Variants in RBFOX3 observed in about 807,000 individuals in gnomAD.
RBFOX3 encodes the protein RNA binding fox-1 homolog 3.
A neutral mutation model predicts 48.7 loss-of-function variants in RBFOX3; 17 were observed. The ratio of observed to expected loss-of-function variants is 0.35; its 90% CI spans 0.24 to 0.52. The LOEUF (loss-of-function observed/expected upper bound fraction) is 0.52. RBFOX3 is among the 20% of genes least tolerant of loss of function. The probability of loss-of-function intolerance (pLI) is 0.94; values close to 1 mark genes in which losing one functional copy is unlikely to be tolerated. For synonymous variants in RBFOX3, 212 were observed against 209.5 expected (o/e 1.01, Z -0.10); for missense variants, 382 against 497.5 (o/e 0.77, Z 2.21).
At chr17:79,633,459 C>T in the RBFOX3 span, among the ~76,000 whole-genome samples, 4 of 152,186 alleles carry the variant, frequency 2.6e-5, no homozygotes, top group Non-Finnish European at 4.4e-5. Flanking sequence ...GGTGGGCAGG[C>T]CCCAGTGTGA....
At chr17:79,650,684 C>T in the RBFOX3 span, among the ~76,000 whole-genome samples, 9 of 152,160 alleles carry the variant, frequency 5.9e-5, no homozygotes, top group East Asian at 1.7e-3. Flanking sequence ...TCAGAGGATG[C>T]ACTTCTGGAG....
intron 4 of RBFOX3, among the ~76,000 whole-genome samples, chr17:79,139,028 CCACA>C (rs1412948372): frequency 1.3e-5 from 2 of 148,720 alleles, no homozygotes; most frequent in African/African-American, 5.0e-5. Context: ...ATGCCCTCAC[CCACA>C]CACGCACGCA....
chr17:79,378,205 G>T (rs981937541), intron 2 of RBFOX3, among the ~76,000 whole-genome samples: 1 of 151,836 alleles, frequency 6.6e-6, no homozygotes, highest in Admixed American at 6.6e-5. Context: ...TCCCCGTAGG[G>T]GCTTAGCCCT....
chr17:79,487,125 A>T (rs2079726400), intron 1 of RBFOX3, among the ~76,000 whole-genome samples: 1 of 152,218 alleles, frequency 6.6e-6, no homozygotes, highest in African/African-American at 2.4e-5. Flanking sequence ...GGGATGAGGC[A>T]TGTTCACCCA....
intron 2 of RBFOX3, among the ~76,000 whole-genome samples, chr17:79,410,208 AG>A (rs2064104750): frequency 6.6e-6 from 1 of 152,214 alleles, no homozygotes; most frequent in Non-Finnish European, 1.5e-5. Flanking sequence ...CCTTGGGCCA[AG>A]GGAGTGTCTC....
chr17:79,567,182 T>C (rs1475238724), intron 1 of RBFOX3, among the ~76,000 whole-genome samples: 12 of 110,340 alleles, frequency 1.1e-4, no homozygotes, highest in East Asian at 2.8e-4. Flanking sequence ...CTTTCTTTCT[T>C]TTTTTTTTTT....
Position 79,471,274 on chromosome 17 carries a change from T to C in RBFOX3, c.-175+11180A>G, listed in dbSNP as rs2077026683. On this transcript the variant is annotated intron_variant, in intron 2 of 14. Coordinates refer to ENST00000693108, the MANE Select transcript of RBFOX3 (RefSeq NM_001350451.2). The surrounding 1 kb of genome is among the most constrained non-coding windows in gnomAD (Gnocchi z 4.0). ...GGAAAGCGGGGTACGTGACCAGCACTGGCCAGGGTGCGACGCTTGGGGTAT... is the reference window on the plus strand; with the variant it reads ...GGAAAGCGGGGTACGTGACCAGCACCGGCCAGGGTGCGACGCTTGGGGTAT... Among the ~76,000 whole-genome samples the C allele has an allele frequency of 6.6e-6, 1 of 152,140 alleles. No homozygotes were observed. Among genetic ancestry groups the C allele is most frequent in the Non-Finnish European group, 1.5e-5 (1 of 68,020 alleles).
chr17:79,470,832 C>A (rs868945330), intron 2 of RBFOX3, among the ~76,000 whole-genome samples: 21 of 152,220 alleles, frequency 1.4e-4, no homozygotes, highest in Middle Eastern at 3.2e-3. Flanking sequence ...TCTGGCAACA[C>A]ACGCCCAGTC....
chr17:79,541,670 G>A (rs782725528), intron 1 of RBFOX3, among the ~76,000 whole-genome samples: 2 of 152,162 alleles, frequency 1.3e-5, no homozygotes, highest in African/African-American at 4.8e-5. Context: ...CCATCAAACC[G>A]CTAGGCCTCA....
the RBFOX3 span, among the ~76,000 whole-genome samples, chr17:79,651,644 CTCTG>C: frequency 1.5e-5 from 2 of 134,454 alleles, no homozygotes; most frequent in Admixed American, 7.3e-5. Flanking sequence ...CTCTCTCTCT[CTCTG>C]TCTCTCTCTC....
chr17:79,096,792 G>T lies in RBFOX3; in HGVS notation c.797C>A (p.Ala266Glu). ...AGGGAGGGGGCACGGTGCCAGCCCC[G>T]CCCATGGGACTGGCATTTTAACAAG... ...QTLVKMPVPWAGLAPCPLPPQ... is the reference protein window; with the variant it reads ...QTLVKMPVPWEGLAPCPLPPQ... The change falls in exon 12 of 15, where the codon GCG becomes GAG. Residue 266 changes from alanine (A) to glutamate (E), a missense_variant. Physicochemically the swap from Ala to Glu is moderately radical, Grantham distance 107 (BLOSUM62 -1). Around this residue, in one of 3 missense-constraint regions of RBFOX3, gnomAD observed 215 missense variants for 254.8 expected, o/e 0.84. Transcript: ENST00000693108. 3 of 1,045,582 alleles carry T rather than the reference G, an allele frequency of 2.9e-6. No individual in the cohort carries two copies. The highest frequency in any genetic ancestry group is 4.4e-6 in the Non-Finnish European group (3 of 686,546). The allele number at this position is 1,045,582 out of a possible 1,614,324, so 64.8% of individuals were successfully genotyped here.
chr17:79,581,163 G>A (rs1186590948), intron 1 of RBFOX3, among the ~76,000 whole-genome samples: 1 of 152,174 alleles, frequency 6.6e-6, no homozygotes, highest in Non-Finnish European at 1.5e-5. Context: ...CAGGAGAATG[G>A]CATGAACCCA....
At chr17:79,294,540 G>T (rs2073988545) in intron 3 of RBFOX3, among the ~76,000 whole-genome samples, 1 of 152,082 alleles carries the variant, frequency 6.6e-6, no homozygotes, top group Admixed American at 6.5e-5. Context: ...TCGAACTCCT[G>T]ACCTCAAATG....
chr17:79,466,569 CCA>C (rs782342038), intron 2 of RBFOX3, among the ~76,000 whole-genome samples: 5 of 152,310 alleles, frequency 3.3e-5, no homozygotes, highest in East Asian at 3.9e-4. Flanking sequence ...CAATAACATG[CCA>C]CAGTGACCTC....
chr17:79,337,053 G>A (rs1215575766), intron 2 of RBFOX3, among the ~76,000 whole-genome samples: 1 of 152,144 alleles, frequency 6.6e-6, no homozygotes, highest in Non-Finnish European at 1.5e-5. Flanking sequence ...CTGGAGCAGA[G>A]GTTGCAGTGA....
chr17:79,192,505 C>T (rs779580643), intron 4 of RBFOX3, among the ~76,000 whole-genome samples: 1 of 152,238 alleles, frequency 6.6e-6, no homozygotes, highest in Non-Finnish European at 1.5e-5. Flanking sequence ...CTTCAAATCG[C>T]TCTGTGGCCC....
chr17:79,509,624 T>C (rs997800508), intron 1 of RBFOX3, among the ~76,000 whole-genome samples: 3 of 152,262 alleles, frequency 2.0e-5, no homozygotes, highest in Admixed American at 6.5e-5. Flanking sequence ...AACGGTTCCA[T>C]GGCAGGGTCG....
intron 2 of RBFOX3, among the ~76,000 whole-genome samples, chr17:79,479,000 C>A (rs1309777571): frequency 6.6e-6 from 1 of 152,320 alleles, no homozygotes; most frequent in East Asian, 1.9e-4. Flanking sequence ...GAAGCAAGGA[C>A]TCGCCTGCAG....
At chr17:79,259,870 C>T (rs1451266278) in intron 3 of RBFOX3, among the ~76,000 whole-genome samples, 1 of 152,168 alleles carries the variant, frequency 6.6e-6, no homozygotes, top group Non-Finnish European at 1.5e-5. Context: ...AGAGGCCCGT[C>T]TGAGCATTAT....
Sources: allele counts gnomAD v4.1 joint callset (sites outside exome capture counted in the v4.1 genomes callset), GRCh38; gene constraint gnomAD v4.1.1; regional missense constraint gnomAD v4.1.1; non-coding constraint Gnocchi (gnomAD v3.1); transcripts MANE v1.5; gene names NCBI Gene and HGNC (gene_info 2026-07-23, HGNC 2026-07-21).